Variants in BACH2 observed in about 807,000 individuals in gnomAD.
BACH2 encodes transcription regulator protein BACH2.
In BACH2, 5 loss-of-function variants were observed where a neutral mutation model predicts 61.8. The observed-to-expected ratio is 0.08, with a 90% CI of 0.04 to 0.17. The LOEUF is 0.17. Ranked by LOEUF, BACH2 falls within the 10% of genes least tolerant of loss-of-function variation. BACH2 has a pLI of 1.00. For missense variants in BACH2, 824 were observed against 1,091.1 expected, an observed-to-expected ratio of 0.76 and a Z score of 3.45; for synonymous variants, 446 against 440.1, an observed-to-expected ratio of 1.01 and a Z score of -0.17.
intron 5 of BACH2, among the ~76,000 whole-genome samples, chr6:90,082,044 G>T (rs1304897366): frequency 6.6e-6 from 1 of 152,168 alleles, no homozygotes; most frequent in Non-Finnish European, 1.5e-5. Context: ...TCTGTTCACA[G>T]CACAAGAAGG....
intron 5 of BACH2, among the ~76,000 whole-genome samples, chr6:90,034,318 T>A (rs1278458687): frequency 1.3e-5 from 2 of 152,158 alleles, no homozygotes; most frequent in Admixed American, 1.3e-4. Context: ...TAAGGCAACA[T>A]GAAATGCTTA....
At chr6:90,295,659 G>C (rs1772327674) in intron 1 of BACH2, among the ~76,000 whole-genome samples, 2 of 118,568 alleles carry the variant, frequency 1.7e-5, no homozygotes, top group East Asian at 2.1e-4. Flanking sequence ...TGTAGGGTGT[G>C]TGTGTGTGTG....
intron 7 of BACH2, among the ~76,000 whole-genome samples, chr6:89,942,354 A>G (rs929980624): frequency 6.6e-6 from 1 of 152,156 alleles, no homozygotes; most frequent in Non-Finnish European, 1.5e-5. Context: ...CATTCCTCAA[A>G]TGGGGCTGAG....
At chr6:90,050,873 G>A (rs1163077238) in intron 5 of BACH2, among the ~76,000 whole-genome samples, 1 of 151,938 alleles carries the variant, frequency 6.6e-6, no homozygotes, top group Non-Finnish European at 1.5e-5. Context: ...GGGTTCAAGC[G>A]ATTCTCTCCT....
chr6:90,277,047 A>G (rs921490651), intron 1 of BACH2, among the ~76,000 whole-genome samples: 1 of 152,200 alleles, frequency 6.6e-6, no homozygotes. Flanking sequence ...CAAGACACCA[A>G]CAGTTTGAGG....
At chr6:90,094,740 C>A (rs1156964093) in intron 4 of BACH2, among the ~76,000 whole-genome samples, 1 of 152,162 alleles carries the variant, frequency 6.6e-6, no homozygotes, top group Non-Finnish European at 1.5e-5. Context: ...TCATGTTCAG[C>A]ATCTCAATGG....
chr6:90,207,643 A>C (rs1769196463), intron 3 of BACH2, among the ~76,000 whole-genome samples: 1 of 152,140 alleles, frequency 6.6e-6, no homozygotes, highest in Non-Finnish European at 1.5e-5. Context: ...TCGGAGGTTT[A>C]ACTGGAACTG....
At chr6:90,019,505 G>T (rs887226510) in intron 5 of BACH2, among the ~76,000 whole-genome samples, 2 of 152,170 alleles carry the variant, frequency 1.3e-5, no homozygotes, top group Non-Finnish European at 2.9e-5. Context: ...AAAATGAAAA[G>T]CATGAACTAG....
chr6:90,018,878 G>C (rs1157841934), intron 5 of BACH2, among the ~76,000 whole-genome samples: 3 of 152,056 alleles, frequency 2.0e-5, no homozygotes, highest in Admixed American at 2.0e-4. Flanking sequence ...AGTTCACCTG[G>C]CTTCTGTCAA....
At chr6:89,940,528 C>G (rs1036501056) in intron 7 of BACH2, among the ~76,000 whole-genome samples, 2 of 152,190 alleles carry the variant, frequency 1.3e-5, no homozygotes, top group Non-Finnish European at 2.9e-5. Context: ...TCAGAAGCTC[C>G]TGGAATAAAA....
rs191558549 is a variant in BACH2 at position 90,208,275 on chromosome 6, C to A, written c.-274-1594G>T. ...ATCAGCAGAGTGAACAGGCAACCTACAGATGGGAGAAAGTTTTTGCAATCT... is the reference window on the plus strand; with the variant it reads ...ATCAGCAGAGTGAACAGGCAACCTAAAGATGGGAGAAAGTTTTTGCAATCT... On this transcript the variant is annotated intron_variant, in intron 3 of 8. Transcript: ENST00000257749. 3.9e-5 allele frequency among the ~76,000 whole-genome samples: 6 copies of A among 152,288 alleles called. No homozygotes were observed. The East Asian group carries it at 1.2e-3, about 29-fold the overall frequency.
rs567858108 is a variant in BACH2, at chr6:90,186,352, C to T, written c.-162+20217G>A. Among the ~76,000 whole-genome samples, 63 of 152,296 alleles carry T rather than the reference C, an allele frequency of 4.1e-4. 1 individual carries two copies. Among genetic ancestry groups the T allele is most frequent in the African/African-American group, 1.5e-3 (61 of 41,562 alleles). On this transcript the variant is annotated intron_variant, in intron 4 of 8. Transcript: ENST00000257749. ...GCTTCCATTTACAGTGTTTTCCAGACCCCACAAAGTTCTTTTCAGAGTTCT... is the reference window on the plus strand; with the variant it reads ...GCTTCCATTTACAGTGTTTTCCAGATCCCACAAAGTTCTTTTCAGAGTTCT...
rs1216466795 is a variant in BACH2 at position 90,218,747 on chromosome 6, T to C, written c.-274-12066A>G. On this transcript the variant is annotated intron_variant, in intron 3 of 8. Transcript: ENST00000257749. ...AAACGGGCCGTGAAAAGCAGATGAATGGGCTCAGCAGTTCCTTAGATAACA... is the reference window on the plus strand; with the variant it reads ...AAACGGGCCGTGAAAAGCAGATGAACGGGCTCAGCAGTTCCTTAGATAACA... 3.3e-5 allele frequency among the ~76,000 whole-genome samples: 5 copies of C among 152,116 alleles called. No homozygotes were observed. In the East Asian group the frequency reaches 9.7e-4, roughly 29 times the overall value.
chr6:89,976,957 C>A (rs1356921556), intron 6 of BACH2, among the ~76,000 whole-genome samples: 2 of 152,192 alleles, frequency 1.3e-5, no homozygotes, highest in Admixed American at 1.3e-4. Context: ...TACAAATTCA[C>A]TTTTCTTTAA....
chr6:90,187,429 T>C (rs1330163121), intron 4 of BACH2, among the ~76,000 whole-genome samples: 1 of 152,234 alleles, frequency 6.6e-6, no homozygotes, highest in African/African-American at 2.4e-5. Flanking sequence ...CAGCCCAATC[T>C]ATAAAACTCT....
intron 6 of BACH2, among the ~76,000 whole-genome samples, chr6:89,970,743 TCTTTG>T (rs1775311902): frequency 6.6e-6 from 1 of 152,184 alleles, no homozygotes; most frequent in Admixed American, 6.5e-5. Context: ...CTGGCTGGCT[TCTTTG>T]TTCATATGCC....
chr6:90,130,259 C>G (rs186945912), intron 4 of BACH2, among the ~76,000 whole-genome samples: 1 of 152,230 alleles, frequency 6.6e-6, no homozygotes, highest in Admixed American at 6.5e-5. Context: ...AGACATCCTC[C>G]AAGATAGAGG....
chr6:89,929,727 C>T lies in BACH2; in HGVS notation c.*2681G>A, dbSNP rs1207278183. On this transcript the variant is annotated 3_prime_UTR_variant, in exon 9 of 9. Coordinates refer to ENST00000257749, the MANE Select transcript of BACH2 (RefSeq NM_021813.4). ...GCCAAACAGGTCTGGGCTACTGAAC[C>T]ACAGAAACCTGAGGAAATGGATGGA... is the stretch of plus-strand genomic sequence containing the variant. The T allele has an allele frequency of 6.6e-6, 1 of 152,300 alleles. No individual in the cohort carries two copies. The highest frequency in any genetic ancestry group is 2.4e-5 in the African/African-American group (1 of 41,420). 9.4% of individuals were successfully genotyped at this position (152,300 alleles called of 1,614,324 possible).
chr6:90,206,874 C>G (rs974387924), intron 3 of BACH2, among the ~76,000 whole-genome samples, 193 bp from the exon 4 acceptor site: 2 of 152,098 alleles, frequency 1.3e-5, no homozygotes, highest in Admixed American at 1.3e-4. Context: ...GCTGCCAGGA[C>G]TCAACAGCTA....
Sources: allele counts gnomAD v4.1 joint callset (sites outside exome capture counted in the v4.1 genomes callset), GRCh38; gene constraint gnomAD v4.1.1; transcripts MANE v1.5; gene names NCBI Gene and HGNC (gene_info 2026-07-23, HGNC 2026-07-21).